JAG2: variants seen among roughly 807,000 people sequenced by gnomAD.
The protein encoded by JAG2 is protein jagged-2.
JAG2 carries 46 observed loss-of-function variants against 141.7 expected under a neutral mutation model. That is an observed-to-expected ratio of 0.32 (90% CI 0.26 to 0.42). The LOEUF is 0.42. Ranked by LOEUF, JAG2 falls within the 10% of genes least tolerant of loss-of-function variation. JAG2 has a pLI of 1.00. For synonymous variants in JAG2, 862 were observed against 763.5 expected (o/e 1.13, Z -2.13); for missense variants, 1,500 against 1,817.5 (o/e 0.83, Z 3.18).
At chr14:105,166,807 C>T (rs1423955901) in intron 2 of JAG2, among the ~76,000 whole-genome samples, 1 of 152,204 alleles carries the variant, frequency 6.6e-6, no homozygotes. Context: ...GCTCCCAGAT[C>T]CATCTACTCC....
chr14:105,145,990 A>T lies in JAG2; in HGVS notation c.2710-17T>A. ...GCACCACACCTGGGCAGGCACGCAC[A>T]GGAGGGTCAGGCGCAGGCGCACAGG... On this transcript the variant is annotated splice_polypyrimidine_tract_variant and intron_variant, in intron 22 of 25. Transcript: ENST00000331782. The T allele has an allele frequency of 6.3e-7, 1 of 1,590,886 alleles. No homozygotes were observed. The highest frequency in any genetic ancestry group is 8.5e-7 in the Non-Finnish European group (1 of 1,171,684).
rs1305843783 is a variant in JAG2 at position 105,143,076 on chromosome 14, C to T, written c.3336G>A (p.Glu1112=). ...CCCGCGGCAGCCGGCTCCTCTCCCG[C>T]TCTTTCCTGCGCTTGCGTGTCCACC... The part of the protein sequence containing the change: ...CVWWTRKRRK[E]RERSRLPREE... The change falls in exon 26 of 26, where the codon GAG becomes GAA. Residue 1112 remains glutamate (E), a synonymous_variant. Transcript: ENST00000331782. 4 of 1,600,836 alleles carry T rather than the reference C, an allele frequency of 2.5e-6. No homozygotes were observed. The highest frequency in any genetic ancestry group is 3.4e-6 in the Non-Finnish European group (4 of 1,179,532).
rs1888305967 is a variant in JAG2 at position 105,148,582 on chromosome 14, G to T, written c.2021-143C>A. The T allele has an allele frequency of 4.6e-6, 4 of 869,850 alleles. No homozygotes were observed. The East Asian group carries it at 8.0e-5, about 17-fold the overall frequency. 53.9% of individuals were successfully genotyped at this position (869,850 alleles called of 1,614,324 possible). A position where few individuals can be genotyped will look rare whatever the true frequency, so the allele number is the denominator to read the frequency against. ...GTCGGGCCGGGGGAGCTGGCCTCGG[G>T]CATGGGGGCAGCCTGGGACTCCACC... On this transcript the variant is annotated intron_variant, in intron 15 of 25. Transcript: ENST00000331782.
At position 105,167,196 on chromosome 14, in the gene JAG2, C is replaced by A. The variant is rs1012005464; in HGVS notation, c.417+561G>T. On this transcript the variant is annotated intron_variant, in intron 2 of 25. Coordinates refer to ENST00000331782, the MANE Select transcript of JAG2 (RefSeq NM_002226.5). The surrounding 1 kb of genome is among the most constrained non-coding windows in gnomAD (Gnocchi z 4.8). The stretch of plus-strand genomic sequence containing the variant: ...CACAGAAGGTCACTGCACCAGGATC[C>A]ACTATCTCTGTCTCTGAACGATCTT... Among the ~76,000 whole-genome samples the A allele has an allele frequency of 2.6e-5, 4 of 152,236 alleles. No individual in the cohort carries two copies. Among genetic ancestry groups the A allele is most frequent in the African/African-American group, 9.6e-5 (4 of 41,466 alleles).
In JAG2 at chr14:105,150,646, G is replaced by A. The variant is rs909935223; in HGVS notation, c.1560C>T (p.Phe520=). ...AGAAGCCCTGGGGGCAGTGGCAGTG[G>A]AAGCCGTCGGCCAGGTCCTCGCAGA... ...GGLCEDLADG[F]HCHCPQGFSG... Residue 520 remains phenylalanine, a synonymous_variant, in exon 12 of 26, where the codon TTC becomes TTT. Coordinates refer to ENST00000331782, the MANE Select transcript of JAG2 (RefSeq NM_002226.5). 1.3e-6 allele frequency: 2 copies of A among 1,549,638 alleles called. No individual in the cohort carries two copies. The highest frequency in any genetic ancestry group is 1.7e-6 in the Non-Finnish European group (2 of 1,146,668).
intron 22 of JAG2, 111 bp downstream of exon 22, chr14:105,146,274 C>T (rs879150714): frequency 7.7e-5 from 76 of 984,870 alleles, no homozygotes; most frequent in South Asian, 1.2e-4. Flanking sequence ...TGAGGGCAGA[C>T]GGCTCTCAGT....
chr14:105,166,212 C>T (rs992396894), intron 2 of JAG2, among the ~76,000 whole-genome samples: 23 of 152,258 alleles, frequency 1.5e-4, no homozygotes, highest in African/African-American at 5.5e-4. Context: ...CACACCTGAC[C>T]GGCTGGCCCG....
intron 2 of JAG2, among the ~76,000 whole-genome samples, chr14:105,158,802 T>A (rs1888649499): frequency 6.6e-6 from 1 of 151,958 alleles, no homozygotes; most frequent in Non-Finnish European, 1.5e-5. Context: ...CCTGCTGGCT[T>A]CCCACCCCGG....
Position 105,141,878 on chromosome 14 carries a change from A to AG in JAG2, c.*816dup, listed in dbSNP as rs1389965760. ...GCCACGGCACGCGTGGACAGTTGCG[A>AG]GGGGTCTGTGTGAAGGCACTTGTCA... is the stretch of plus-strand genomic sequence containing the variant. On this transcript the variant is annotated 3_prime_UTR_variant, in exon 26 of 26. Transcript: ENST00000331782. 6.6e-6 allele frequency: 1 copy of AG among 152,580 alleles called. No individual in the cohort carries two copies. Among genetic ancestry groups the AG allele is most frequent in the Non-Finnish European group, 1.5e-5 (1 of 68,060 alleles). The allele number at this position is 152,580 out of a possible 1,614,324, so 9.5% of individuals were successfully genotyped here.
At position 105,155,608 on chromosome 14, in the gene JAG2, C is replaced by A. The variant is rs758863578; in HGVS notation, c.742G>T (p.Gly248Trp). The stretch of plus-strand genomic sequence containing the variant: ...CATCCCCCGTGGAGCAAATTACACC[C>A]TTGTTTACACACAGCTGCGAACAGA... ...KECKEAVCKQ[G>W]CNLLHGGCTV... Residue 248 changes from glycine (G) to tryptophan (W), a missense_variant, in exon 5 of 26, where the codon GGG (glycine) becomes TGG (tryptophan). Gly to Trp is a radical substitution (Grantham distance 184). Coordinates refer to ENST00000331782, the MANE Select transcript of JAG2 (RefSeq NM_002226.5). The A allele has an allele frequency of 6.2e-7, 1 of 1,612,870 alleles. No individual in the cohort carries two copies. The highest frequency in any genetic ancestry group is 1.1e-5 in the South Asian group (1 of 91,090).
Position 105,152,229 on chromosome 14 carries a change from T to C in JAG2, c.851A>G (p.His284Arg), listed in dbSNP as rs1888458079. The C allele has an allele frequency of 6.2e-7, 1 of 1,613,566 alleles. No individual in the cohort carries two copies. The highest frequency in any genetic ancestry group is 1.7e-5 in the Admixed American group (1 of 60,026). Residue 284 changes from histidine (H) to arginine (R), a missense_variant, in exon 6 of 26, where the codon CAT (histidine) becomes CGT (arginine). This residue lies in a region of JAG2 where 875 missense variants were observed against 1,202.2 expected (regional missense o/e 0.73). Coordinates refer to ENST00000331782, the MANE Select transcript of JAG2 (RefSeq NM_002226.5). ...CTGCCAGGGCTCCACACAACTGCCA[T>C]GCACGCAGCCGGGGTAGGGGACACA... Reference protein sequence around the residue: ...DECVPYPGCVHGSCVEPWQCN... With the variant: ...DECVPYPGCVRGSCVEPWQCN...
chr14:105,163,768 C>T (rs1744879933), intron 2 of JAG2, among the ~76,000 whole-genome samples: 2 of 151,448 alleles, frequency 1.3e-5, no homozygotes, highest in African/African-American at 4.9e-5. Context: ...GGGACAGGGA[C>T]CCAGCTCAGG....
intron 18 of JAG2, 56 bp from the exon 19 acceptor site, chr14:105,147,583 G>A: frequency 6.4e-7 from 1 of 1,555,282 alleles, no homozygotes; most frequent in Non-Finnish European, 8.9e-7. Flanking sequence ...AGCGTGCCAG[G>A]CACTGTCCAG....
rs750828978 is a variant in JAG2 at position 105,145,984 on chromosome 14, A to ACGCACAGGAGGGTCAGGCGCAGG, written c.2710-34_2710-12dup. On this transcript the variant is annotated splice_polypyrimidine_tract_variant and intron_variant, in intron 22 of 25. Transcript: ENST00000331782. ...CCATCCGCACCACACCTGGGCAGGC[A>ACGCACAGGAGGGTCAGGCGCAGG]CGCACAGGAGGGTCAGGCGCAGGCG... 17 of 1,592,886 alleles carry ACGCACAGGAGGGTCAGGCGCAGG rather than the reference A, an allele frequency of 1.1e-5. No individual in the cohort carries two copies. The highest frequency in any genetic ancestry group is 1.7e-5 in the Admixed American group (1 of 57,766).
At position 105,149,105 on chromosome 14, in the gene JAG2, C is replaced by G; in HGVS notation, c.1754-16G>C. ...CCATCGATCACTATGGCAGGCAGTACAGTCAGGAGTCAGGCCCGCCCCTGC... is the reference window on the plus strand; with the variant it reads ...CCATCGATCACTATGGCAGGCAGTAGAGTCAGGAGTCAGGCCCGCCCCTGC... On this transcript the variant is annotated splice_polypyrimidine_tract_variant and intron_variant, in intron 13 of 25. Transcript: ENST00000331782. 1.9e-6 allele frequency: 3 copies of G among 1,605,322 alleles called. No individual in the cohort carries two copies. Among genetic ancestry groups the G allele is most frequent in the Non-Finnish European group, 2.5e-6 (3 of 1,177,374 alleles).
Position 105,141,381 on chromosome 14 carries a change from C to T in JAG2, c.*1314G>A, listed in dbSNP as rs947920235. On this transcript the variant is annotated 3_prime_UTR_variant, in exon 26 of 26. Coordinates refer to ENST00000331782, the MANE Select transcript of JAG2 (RefSeq NM_002226.5). ...TAAATGAATGAATAAAAATTTTGAC[C>T]TGTTAATTCCTTAAGACCTTGATAC... 1.3e-5 allele frequency: 2 copies of T among 152,240 alleles called. No individual in the cohort carries two copies. Among genetic ancestry groups the T allele is most frequent in the Non-Finnish European group, 2.9e-5 (2 of 68,044 alleles). 9.4% of individuals were successfully genotyped at this position (152,240 alleles called of 1,614,324 possible).
intron 24 of JAG2, among the ~76,000 whole-genome samples, chr14:105,144,033 G>A (rs1219021533): frequency 6.3e-5 from 9 of 143,656 alleles, no homozygotes; most frequent in Middle Eastern, 3.6e-3. Flanking sequence ...GGGTGTCCCC[G>A]TCCGGGCACA....
intron 9 of JAG2, 71 bp downstream of exon 9, chr14:105,151,212 C>CTG (rs1162329534): frequency 2.2e-5 from 33 of 1,484,454 alleles, no homozygotes; most frequent in Non-Finnish European, 2.8e-5. Flanking sequence ...CCAGCAGCCC[C>CTG]CGCAGCCCCA....
At chr14:105,163,779 C>T (rs587676361) in intron 2 of JAG2, among the ~76,000 whole-genome samples, 1 of 151,000 alleles carries the variant, frequency 6.6e-6, no homozygotes, top group Non-Finnish European at 1.5e-5. Flanking sequence ...CCAGCTCAGG[C>T]CTGGGGCCTG....
Sources: allele counts gnomAD v4.1 joint callset (sites outside exome capture counted in the v4.1 genomes callset), GRCh38; gene constraint gnomAD v4.1.1; regional missense constraint gnomAD v4.1.1; non-coding constraint Gnocchi (gnomAD v3.1); transcripts MANE v1.5; gene names NCBI Gene and HGNC (gene_info 2026-07-23, HGNC 2026-07-21).